The following CDK12 variants were observed in gnomAD, a reference collection of about 807,000 sequenced individuals.
The protein encoded by CDK12 is cyclin-dependent kinase 12.
A neutral mutation model predicts 133.8 loss-of-function variants in CDK12; 17 were observed. That is an observed-to-expected ratio of 0.13 (90% confidence interval 0.09 to 0.19). CDK12 has a LOEUF of 0.19. Among genes scored for constraint, CDK12 ranks in the 10% least tolerant of loss-of-function variants. CDK12 has a pLI of 1.00. For synonymous variants in CDK12, 694 were observed against 683.6 expected (o/e 1.02, Z -0.24); for missense variants, 1,508 against 1,818.7 (o/e 0.83, Z 3.11).
chr17:39,482,015 C>CTTTTTTTTTTTTTT (rs56340258), intron 2 of CDK12, among the ~76,000 whole-genome samples: 3 of 96,254 alleles, frequency 3.1e-5, no homozygotes, highest in Admixed American at 1.2e-4. Context: ...CCTGGCTTGC[C>CTTTTTTTTTTTTTT]TTTTTTTTTT....
At chr17:39,500,244 T>G in intron 5 of CDK12, among the ~76,000 whole-genome samples, 1 of 151,876 alleles carries the variant, frequency 6.6e-6, no homozygotes, top group Admixed American at 6.6e-5. Flanking sequence ...GGCGGAAGAT[T>G]CGCTTGAGCC....
intron 2 of CDK12, among the ~76,000 whole-genome samples, chr17:39,486,950 G>A (rs1442242311): frequency 6.6e-6 from 1 of 152,188 alleles, no homozygotes; most frequent in African/African-American, 2.4e-5. Flanking sequence ...AGAGGTTGCA[G>A]TGAGCCAAGA....
intron 2 of CDK12, among the ~76,000 whole-genome samples, chr17:39,478,089 G>A (rs1445903999): frequency 6.8e-6 from 1 of 148,138 alleles, no homozygotes; most frequent in Non-Finnish European, 1.5e-5. Flanking sequence ...AAGAGACGGG[G>A]TCTTGCTATG....
intron 2 of CDK12, among the ~76,000 whole-genome samples, chr17:39,473,762 A>G (rs556076744): frequency 3.3e-5 from 5 of 151,964 alleles, no homozygotes; most frequent in South Asian, 2.1e-4. Context: ...GCGGTTGCCT[A>G]TAGTCCCAGC....
At position 39,471,685 on chromosome 17, in the gene CDK12, C is replaced by T. The variant is rs1423075897; in HGVS notation, c.1853C>T (p.Ala618Val). ...SVKTQVSVTA[A>V]IPHLKTSTLP... ...AAGACTCAAGTATCTGTAACAGCTG[C>T]TATTCCACACCTGAAAACTTCAACG... The change falls in exon 2 of 14, where the codon GCT becomes GTT. Residue 618 changes from alanine to valine, a missense_variant. Physicochemically the swap from Ala to Val is moderately conservative, Grantham distance 64. Transcript: ENST00000447079. 1 of 1,614,084 alleles carries T rather than the reference C, an allele frequency of 6.2e-7. No individual in the cohort carries two copies. Among genetic ancestry groups the T allele is most frequent in the South Asian group, 1.1e-5 (1 of 91,080 alleles).
At chr17:39,508,839 A>G (rs1483096885) in intron 6 of CDK12, among the ~76,000 whole-genome samples, 1 of 151,904 alleles carries the variant, frequency 6.6e-6, no homozygotes, top group African/African-American at 2.4e-5. Flanking sequence ...TACAAAAAAT[A>G]AAATAATTAG....
chr17:39,487,607 ATTTTTTTTTTTT>A (rs887590343), intron 2 of CDK12, among the ~76,000 whole-genome samples: 16 of 96,350 alleles, frequency 1.7e-4, no homozygotes, highest in African/African-American at 2.6e-4. Context: ...GCATGACACA[ATTTTTTTTTTTT>A]TTTTTTTTTT....
rs2054490295 is a variant in CDK12 at position 39,526,244 on chromosome 17, A to C, written c.3688A>C (p.Asn1230His). 6.2e-7 allele frequency: 1 copy of C among 1,611,912 alleles called. No individual in the cohort carries two copies. Among genetic ancestry groups the C allele is most frequent in the African/African-American group, 1.3e-5 (1 of 74,902 alleles). Residue 1230 changes from asparagine to histidine, a missense_variant, in exon 13 of 14, where the codon AAC (asparagine) becomes CAC (histidine). Asn to His is a moderately conservative substitution (Grantham distance 68). This residue lies in a region of CDK12 where 399 missense variants were observed against 469.6 expected (regional missense o/e 0.85). Coordinates refer to ENST00000447079, the MANE Select transcript of CDK12 (RefSeq NM_016507.4). Reference protein sequence around the residue: ...TQEPAGSLEENNSDKNSGPQG... With the variant: ...TQEPAGSLEEHNSDKNSGPQG... ...AGAGCCAGCAGGCAGTCTGGAGGAA[A>C]ACAACAGTGACAAGAACAGTGGGCC... is the stretch of plus-strand genomic sequence containing the variant.
rs2146723731 is a variant in CDK12 at position 39,526,279 on chromosome 17, C to A, written c.3723C>A (p.Pro1241=). The change falls in exon 13 of 14, where the codon CCC becomes CCA. Residue 1241 remains proline, a synonymous_variant. Transcript: ENST00000447079. ...NSDKNSGPQG[P]RRTPTMPQEE... ...ACAAGAACAGTGGGCCACAGGGGCC[C>A]CGAAGAACTCCCACAATGCCACAGG... The A allele has an allele frequency of 6.2e-7, 1 of 1,601,796 alleles. No individual in the cohort carries two copies. The highest frequency in any genetic ancestry group is 1.1e-5 in the South Asian group (1 of 89,348).
intron 2 of CDK12, 91 bp from the exon 3 acceptor site, chr17:39,490,466 C>G: frequency 1.2e-6 from 1 of 819,148 alleles, no homozygotes; most frequent in South Asian, 2.2e-5. Context: ...ATCTTTCTAA[C>G]CTTTTCGTAA....
chr17:39,524,974 GT>G, intron 12 of CDK12, 89 bp downstream of exon 12: 1 of 1,129,364 alleles, frequency 8.9e-7, no homozygotes, highest in Non-Finnish European at 1.2e-6. Context: ...GTGTGTGTCT[GT>G]TTTTTAGTTT....
chr17:39,495,384 GTTTTTT>G (rs60185847), intron 5 of CDK12, among the ~76,000 whole-genome samples: 12 of 110,684 alleles, frequency 1.1e-4, no homozygotes, highest in African/African-American at 3.7e-4. Flanking sequence ...GGCCTCATGT[GTTTTTT>G]TTTTTTTTTT....
rs2054991662 is a variant in CDK12 at position 39,533,604 on chromosome 17, T to C, written c.*2288T>C. The C allele has an allele frequency of 4.3e-6, 1 of 233,096 alleles. No individual in the cohort carries two copies. Among genetic ancestry groups the C allele is most frequent in the Admixed American group, 5.6e-5 (1 of 17,778 alleles). 14.4% of individuals were successfully genotyped at this position (233,096 alleles called of 1,614,324 possible). ...TTTTTCCCTCCCCTCTCCCACCTCTTATTTTTAATTATGCCAAATATCCTA... is the reference window on the plus strand; with the variant it reads ...TTTTTCCCTCCCCTCTCCCACCTCTCATTTTTAATTATGCCAAATATCCTA... On this transcript the variant is annotated 3_prime_UTR_variant, in exon 14 of 14. Coordinates refer to ENST00000447079, the MANE Select transcript of CDK12 (RefSeq NM_016507.4).
chr17:39,560,992 C>T (rs552928100), intron 3 of CDK12, among the ~76,000 whole-genome samples: 7 of 152,106 alleles, frequency 4.6e-5, no homozygotes, highest in African/African-American at 1.4e-4. Context: ...CCAGCCTGGG[C>T]GACACAGCAA....
intron 10 of CDK12, among the ~76,000 whole-genome samples, chr17:39,519,331 C>T (rs1198753738): frequency 2.0e-5 from 2 of 100,522 alleles, no homozygotes; most frequent in Non-Finnish European, 3.6e-5. Context: ...TTTTTGAGAC[C>T]GTCTCACTCT....
intron 2 of CDK12, among the ~76,000 whole-genome samples, chr17:39,482,598 C>CCTTTTTTTTTTT (rs1440834572): frequency 1.3e-4 from 7 of 53,512 alleles, no homozygotes; most frequent in East Asian, 1.6e-3. Flanking sequence ...CAATCAACTA[C>CCTTTTTTTTTTT]ATTTTTTTTT....
upstream of CDK12, among the ~76,000 whole-genome samples, chr17:39,547,129 AT>A (rs34569985): frequency 9.7e-4 from 88 of 90,612 alleles, no homozygotes; most frequent in East Asian, 2.2e-3. Flanking sequence ...GAGTACTAGG[AT>A]TTTTTTTTTT....
In CDK12 at chr17:39,532,102, T is replaced by TTCTCTCTCTCTCTCTA. The variant is rs2054885572; in HGVS notation, c.*801_*802insATCTCTCTCTCTCTCT. ...GCTGATGTGTGCTCTCTCTCTCTCT[T>TTCTCTCTCTCTCTCTA]TCTCTCTCTCTCTCTCTCTCTCTCT... On this transcript the variant is annotated 3_prime_UTR_variant, in exon 14 of 14. Coordinates refer to ENST00000447079, the MANE Select transcript of CDK12 (RefSeq NM_016507.4). 9.7e-6 allele frequency: 2 copies of TTCTCTCTCTCTCTCTA among 206,014 alleles called. No individual in the cohort carries two copies. The highest frequency in any genetic ancestry group is 6.2e-5 in the Admixed American group (1 of 16,020). 12.8% of individuals were successfully genotyped at this position (206,014 alleles called of 1,614,324 possible).
In CDK12 at chr17:39,502,961, AAACTTT is replaced by A. The variant is rs1345246706; in HGVS notation, c.2609+1524_2609+1529del. Among the ~76,000 whole-genome samples, 6 of 152,300 alleles carry A rather than the reference AAACTTT, an allele frequency of 3.9e-5. No individual in the cohort carries two copies. The East Asian group carries it at 7.7e-4, about 20-fold the overall frequency. The stretch of plus-strand genomic sequence containing the variant: ...TCTTGCATGCCCCACTGAGGAACTT[AAACTTT>A]ATCTGTATTTGACAGGGATCAGCAT... On this transcript the variant is annotated intron_variant, in intron 6 of 13. Coordinates refer to ENST00000447079, the MANE Select transcript of CDK12 (RefSeq NM_016507.4).
Sources: gnomAD v4.1 joint callset for allele counts (sites outside exome capture counted in the v4.1 genomes callset) on GRCh38, gnomAD v4.1.1 for gene constraint, gnomAD v4.1.1 regional missense constraint, MANE v1.5 for transcripts, NCBI Gene and HGNC (gene_info 2026-07-23, HGNC 2026-07-21) for gene names.